The following GNAQ variants were observed in gnomAD, a reference collection of about 807,000 sequenced individuals.
The protein encoded by GNAQ is G protein subunit alpha q.
Under a neutral mutation model 43.9 loss-of-function variants are expected in GNAQ, and 8 were observed. That is an observed-to-expected ratio of 0.18 (90% CI 0.11 to 0.33). GNAQ has a LOEUF of 0.33. Ranked by LOEUF, GNAQ falls within the 10% of genes least tolerant of loss-of-function variation. The pLI, the probability that GNAQ is intolerant of heterozygous loss-of-function variation, is 1.00. For synonymous variants in GNAQ, 155 were observed against 170.7 expected (o/e 0.91, Z 0.71); for missense variants, 158 against 450.8 (o/e 0.35, Z 5.88).
intron 5 of GNAQ, among the ~76,000 whole-genome samples, chr9:77,766,187 T>C (rs142995020): frequency 0.021 from 3,246 of 152,300 alleles, 66 homozygotes; most frequent in South Asian, 0.054. Flanking sequence ...CTGAACTGTA[T>C]CTAACACAAA....
intron 2 of GNAQ, among the ~76,000 whole-genome samples, chr9:77,891,183 T>G (rs1255277693): frequency 6.6e-6 from 1 of 152,188 alleles, no homozygotes; most frequent in East Asian, 1.9e-4. Context: ...CTGTATCCAT[T>G]TTGCCATTTA....
chr9:77,730,971 C>A (rs1825478730), intron 5 of GNAQ, among the ~76,000 whole-genome samples: 1 of 152,152 alleles, frequency 6.6e-6, no homozygotes, highest in Non-Finnish European at 1.5e-5. Context: ...TAACCCCTTA[C>A]TTATAACTAG....
intron 1 of GNAQ, among the ~76,000 whole-genome samples, chr9:77,971,363 C>T (rs1002739137): frequency 1.3e-5 from 2 of 152,124 alleles, no homozygotes; most frequent in Admixed American, 6.5e-5. Flanking sequence ...TGATGAACAT[C>T]GATGCAAAAA....
At chr9:77,832,461 T>C (rs929828062) in intron 2 of GNAQ, among the ~76,000 whole-genome samples, 4 of 152,114 alleles carry the variant, frequency 2.6e-5, no homozygotes, top group African/African-American at 9.7e-5. Flanking sequence ...AGGAAGGAGA[T>C]GCTTGGAGTC....
At chr9:78,025,023 A>G (rs1192932974) in intron 1 of GNAQ, among the ~76,000 whole-genome samples, 2 of 152,208 alleles carry the variant, frequency 1.3e-5, no homozygotes, top group African/African-American at 4.8e-5. Flanking sequence ...TTAACAACAG[A>G]GCTGTATAGT....
Position 77,763,071 on chromosome 9 carries a change from T to G in GNAQ, c.735+31392A>C, listed in dbSNP as rs189909887. On this transcript the variant is annotated intron_variant, in intron 5 of 6. Coordinates refer to ENST00000286548, the MANE Select transcript of GNAQ (RefSeq NM_002072.5). ...TATGACCCTGCCAAATCCCTCTCTG[T>G]GAGAAACACCCAAGAATGATCAATA... 3.4e-3 allele frequency among the ~76,000 whole-genome samples: 497 copies of G among 145,172 alleles called. 1 individual carries two copies. The highest frequency in any genetic ancestry group is 0.011 in the Middle Eastern group (3 of 264).
intron 2 of GNAQ, among the ~76,000 whole-genome samples, chr9:77,864,586 C>A (rs1165975655): frequency 6.6e-6 from 1 of 152,028 alleles, no homozygotes; most frequent in Non-Finnish European, 1.5e-5. Flanking sequence ...AGTAACAGGA[C>A]ACAAGCCAAG....
intron 5 of GNAQ, among the ~76,000 whole-genome samples, chr9:77,792,775 C>G (rs2118437244): frequency 6.6e-6 from 1 of 152,174 alleles, no homozygotes; most frequent in South Asian, 2.1e-4. Flanking sequence ...GAAATAAATT[C>G]ACATTTGCTT....
chr9:77,973,304 C>T (rs1369946772), intron 1 of GNAQ, among the ~76,000 whole-genome samples: 1 of 152,214 alleles, frequency 6.6e-6, no homozygotes, highest in Non-Finnish European at 1.5e-5. Context: ...GCTCCCCAGT[C>T]CTTGTCCCTG....
chr9:77,917,048 C>T (rs970050084), intron 2 of GNAQ, among the ~76,000 whole-genome samples: 2 of 152,126 alleles, frequency 1.3e-5, no homozygotes, highest in Admixed American at 6.5e-5. Context: ...ACATGTCTGG[C>T]ATGTTACGGA....
chr9:77,874,290 C>T (rs1431290226), intron 2 of GNAQ, among the ~76,000 whole-genome samples: 1 of 152,028 alleles, frequency 6.6e-6, no homozygotes, highest in African/African-American at 2.4e-5. Context: ...CGAGTCTTTC[C>T]TCCTGGTCCA....
At chr9:77,917,626 T>C (rs1002392057) in intron 2 of GNAQ, among the ~76,000 whole-genome samples, 1 of 152,182 alleles carries the variant, frequency 6.6e-6, no homozygotes, top group African/African-American at 2.4e-5. Context: ...TCAAATGCCC[T>C]TGCACCTAGT....
chr9:77,921,112 C>A (rs1441049116), intron 2 of GNAQ, among the ~76,000 whole-genome samples: 1 of 152,128 alleles, frequency 6.6e-6, no homozygotes, highest in African/African-American at 2.4e-5. Flanking sequence ...GGTATAAATG[C>A]AGTGTTTTAT....
At chr9:77,969,829 T>C (rs1587437588) in intron 1 of GNAQ, among the ~76,000 whole-genome samples, 1 of 152,184 alleles carries the variant, frequency 6.6e-6, no homozygotes, top group South Asian at 2.1e-4. Context: ...CAAAGTGTTG[T>C]CTTAATTTCA....
chr9:77,782,342 A>T (rs991977454), intron 5 of GNAQ, among the ~76,000 whole-genome samples: 1 of 152,340 alleles, frequency 6.6e-6, no homozygotes, highest in Non-Finnish European at 1.5e-5. Context: ...AGACTTGTAC[A>T]TCTGTTCACT....
intron 5 of GNAQ, among the ~76,000 whole-genome samples, chr9:77,779,309 T>C (rs893308070): frequency 1.3e-5 from 2 of 151,944 alleles, no homozygotes; most frequent in African/African-American, 4.8e-5. Flanking sequence ...ACAATACAGT[T>C]CTACATAACA....
Position 77,716,960 on chromosome 9 carries a change from AAAAC to A in GNAQ, c.*4359_*4362del, listed in dbSNP as rs1266204437. 5 of 232,700 alleles carry A rather than the reference AAAAC, an allele frequency of 2.1e-5. No homozygotes were observed. In the South Asian group the frequency reaches 9.1e-4, roughly 42 times the overall value. 14.4% of individuals were successfully genotyped at this position (232,700 alleles called of 1,614,324 possible). On this transcript the variant is annotated 3_prime_UTR_variant, in exon 7 of 7. Transcript: ENST00000286548. ...AGCAGGAAATGGCTATTCTGTGAGA[AAAAC>A]AAATGACAAGTTTAGGGTCTGTACT...
At chr9:77,832,734 C>T (rs558470523) in intron 2 of GNAQ, among the ~76,000 whole-genome samples, 6 of 152,224 alleles carry the variant, frequency 3.9e-5, no homozygotes, top group South Asian at 4.2e-4. Context: ...CTTAAACCTA[C>T]GATGCCTCGG....
At chr9:77,969,202 T>G (rs1254567926) in intron 1 of GNAQ, among the ~76,000 whole-genome samples, 1 of 152,162 alleles carries the variant, frequency 6.6e-6, no homozygotes, top group African/African-American at 2.4e-5. Context: ...ACCCCAATTC[T>G]CCCTCTGGCC....
Sources: allele counts gnomAD v4.1 joint callset (sites outside exome capture counted in the v4.1 genomes callset), GRCh38; gene constraint gnomAD v4.1.1; transcripts MANE v1.5; gene names NCBI Gene and HGNC (gene_info 2026-07-23, HGNC 2026-07-21).